Variants in TMEM74 observed in about 807,000 individuals in gnomAD.
TMEM74 encodes the protein transmembrane protein 74.
TMEM74 carries 13 observed loss-of-function variants against 18.1 expected under a neutral mutation model. That is an observed-to-expected ratio of 0.72 (90% CI 0.47 to 1.14). TMEM74 has a LOEUF of 1.14. TMEM74 is among the 50% of genes most tolerant of loss of function. The probability of loss-of-function intolerance (pLI) is 0.00; values close to 1 mark genes in which losing one functional copy is unlikely to be tolerated. For synonymous variants in TMEM74, 159 were observed against 146.6 expected (o/e 1.08, Z -0.61); for missense variants, 372 against 375.9 (o/e 0.99, Z 0.09).
chr8:108,675,199 C>A (rs779469008), intron 1 of TMEM74, among the ~76,000 whole-genome samples: 5 of 152,196 alleles, frequency 3.3e-5, no homozygotes, highest in African/African-American at 1.2e-4. Context: ...CATTGACTAC[C>A]TTTTGTTTAT....
chr8:108,727,157 T>C (rs1273934469), intron 1 of TMEM74, among the ~76,000 whole-genome samples: 1 of 152,178 alleles, frequency 6.6e-6, no homozygotes, highest in Non-Finnish European at 1.5e-5. Flanking sequence ...TATGAAGATC[T>C]TGATGGGCCA....
At chr8:108,732,363 C>T (rs1174730493) in intron 1 of TMEM74, among the ~76,000 whole-genome samples, 1 of 152,112 alleles carries the variant, frequency 6.6e-6, no homozygotes, top group African/African-American at 2.4e-5. Flanking sequence ...TCAATATAAT[C>T]AAATTCTCTT....
At chr8:108,690,110 C>T (rs1237775114) in intron 1 of TMEM74, among the ~76,000 whole-genome samples, 1 of 151,888 alleles carries the variant, frequency 6.6e-6, no homozygotes, top group Non-Finnish European at 1.5e-5. Context: ...TAGGACTACA[C>T]ACATATGTAT....
Position 108,784,628 on chromosome 8 carries a change from A to G in TMEM74, c.471T>C (p.Ser157=). ...WSQEAAISLI[S]EEEDDTSSEA... ...CTGAACTTGTATCATCCTCCTCTTC[A>G]GATATCAAAGATATGGCAGCCTCTT... is the stretch of plus-strand genomic sequence containing the variant. The change falls in exon 2 of 2, where the codon TCT becomes TCC. Residue 157 remains serine (S), a synonymous_variant. Transcript: ENST00000297459. 6.2e-7 allele frequency: 1 copy of G among 1,614,208 alleles called. No homozygotes were observed. Among genetic ancestry groups the G allele is most frequent in the South Asian group, 1.1e-5 (1 of 91,086 alleles).
At chr8:108,675,114 T>C (rs768052337) in intron 1 of TMEM74, among the ~76,000 whole-genome samples, 21 of 152,190 alleles carry the variant, frequency 1.4e-4, no homozygotes, top group Non-Finnish European at 2.8e-4. Context: ...ATATGTTTTA[T>C]ATGTTTCCTA....
intron 2 of TMEM74, among the ~76,000 whole-genome samples, chr8:108,649,019 T>A (rs1044906086): frequency 6.6e-6 from 1 of 152,212 alleles, no homozygotes; most frequent in Non-Finnish European, 1.5e-5. Flanking sequence ...TATGGACTTT[T>A]ACGTGGGTTC....
At chr8:108,746,181 A>T (rs1359125142) in intron 1 of TMEM74, among the ~76,000 whole-genome samples, 1 of 152,132 alleles carries the variant, frequency 6.6e-6, no homozygotes, top group Non-Finnish European at 1.5e-5. Context: ...CAACATTTCA[A>T]TGTTGTCCCA....
intron 1 of TMEM74, among the ~76,000 whole-genome samples, chr8:108,761,746 T>A (rs1814047553): frequency 6.6e-6 from 1 of 152,160 alleles, no homozygotes; most frequent in Non-Finnish European, 1.5e-5. Flanking sequence ...AGTCCTTGCG[T>A]GAGGACATTT....
chr8:108,761,967 T>C (rs1053406054), intron 1 of TMEM74, among the ~76,000 whole-genome samples: 1 of 152,180 alleles, frequency 6.6e-6, no homozygotes, highest in African/African-American at 2.4e-5. Context: ...AAAGACTCTT[T>C]CTCCACCTAA....
intron 1 of TMEM74, among the ~76,000 whole-genome samples, chr8:108,716,666 C>T (rs1322663402): frequency 6.6e-6 from 1 of 151,202 alleles, no homozygotes. Context: ...AGGTAAAAAG[C>T]ATGCAGGAGA....
intron 2 of TMEM74, among the ~76,000 whole-genome samples, chr8:108,638,898 C>T (rs958727820): frequency 4.6e-5 from 7 of 152,142 alleles, no homozygotes; most frequent in Non-Finnish European, 8.8e-5. Flanking sequence ...ATGTGACTTG[C>T]ATGGCAAATG....
At chr8:108,699,814 A>G (rs1163490360) in intron 1 of TMEM74, among the ~76,000 whole-genome samples, 10 of 152,150 alleles carry the variant, frequency 6.6e-5, no homozygotes, top group Non-Finnish European at 1.2e-4. Flanking sequence ...CACCTTAGTG[A>G]GGTGAGTCAG....
At chr8:108,740,208 A>G (rs1320822217) in intron 1 of TMEM74, among the ~76,000 whole-genome samples, 4 of 152,140 alleles carry the variant, frequency 2.6e-5, no homozygotes, top group East Asian at 1.9e-4. Flanking sequence ...TTTCTTCCCA[A>G]CACTCAGCTT....
At chr8:108,607,640 C>T (rs922178872) in exon 4 of TMEM74, 5 of 152,254 alleles carry the variant, frequency 3.3e-5, no homozygotes, top group East Asian at 1.9e-4. Flanking sequence ...GTATTCTGTC[C>T]ATAAATGGCC....
downstream of TMEM74, among the ~76,000 whole-genome samples, chr8:108,774,439 C>T (rs1251935623): frequency 6.6e-6 from 1 of 152,158 alleles, no homozygotes; most frequent in East Asian, 1.9e-4. Context: ...AGCAGACAGC[C>T]CCCCAAACCA....
At chr8:108,771,364 T>C (rs1814168788) in intron 1 of TMEM74, among the ~76,000 whole-genome samples, 1 of 152,152 alleles carries the variant, frequency 6.6e-6, no homozygotes, top group African/African-American at 2.4e-5. Context: ...TGCTGATGTA[T>C]AGTGTTACAT....
In TMEM74 at chr8:108,782,285, T is replaced by C. The variant is rs965716900; in HGVS notation, c.*1896A>G. 6.6e-6 allele frequency among the ~76,000 whole-genome samples: 1 copy of C among 152,182 alleles called. No individual in the cohort carries two copies. Among genetic ancestry groups the C allele is most frequent in the Non-Finnish European group, 1.5e-5 (1 of 68,032 alleles). ...ATGAGAGTCACAGTAAAACAAAGTT[T>C]GTTCAAAAAGCACAAAAATACAGCA... On this transcript the variant is annotated 3_prime_UTR_variant, in exon 2 of 2. Transcript: ENST00000297459.
Position 108,782,058 on chromosome 8 carries a change from T to C in TMEM74, c.*2123A>G, listed in dbSNP as rs74889111. Among the ~76,000 whole-genome samples the C allele has an allele frequency of 1.3e-5, 2 of 152,204 alleles. No homozygotes were observed. The highest frequency in any genetic ancestry group is 3.9e-4 in the East Asian group (2 of 5,194). The stretch of plus-strand genomic sequence containing the variant: ...CTCATTTAGCTTCTATGAATAAACA[T>C]TAGTTTTTTCTTTAATGCCTTCTTT... On this transcript the variant is annotated 3_prime_UTR_variant, in exon 2 of 2. Transcript: ENST00000297459.
At chr8:108,712,025 A>G (rs1455646567) in intron 1 of TMEM74, among the ~76,000 whole-genome samples, 2 of 152,100 alleles carry the variant, frequency 1.3e-5, no homozygotes, top group Admixed American at 6.6e-5. Flanking sequence ...GACCATCAGC[A>G]TCACCTGGGA....
Sources: allele counts gnomAD v4.1 joint callset (sites outside exome capture counted in the v4.1 genomes callset), GRCh38; gene constraint gnomAD v4.1.1; transcripts MANE v1.5; gene names NCBI Gene and HGNC (gene_info 2026-07-23, HGNC 2026-07-21).